Variants in ANXA4 observed in about 807,000 individuals in gnomAD.
ANXA4 encodes 35-beta calcimedin.
A neutral mutation model predicts 49.8 loss-of-function variants in ANXA4; 39 were observed. The observed-to-expected ratio is 0.78, with a 90% CI of 0.61 to 1.02. ANXA4 has a LOEUF of 1.02. Among genes scored for constraint, ANXA4 ranks in the 50% least tolerant of loss-of-function variants. ANXA4 has a pLI of 0.00. For synonymous variants in ANXA4, 134 were observed against 152.5 expected, an observed-to-expected ratio of 0.88 and a Z score of 0.89; for missense variants, 360 against 410.1, an observed-to-expected ratio of 0.88 and a Z score of 1.05.
intron 11 of ANXA4, among the ~76,000 whole-genome samples, chr2:69,819,729 C>T (rs10166636): frequency 4.0e-5 from 6 of 151,854 alleles, no homozygotes; most frequent in Admixed American, 2.6e-4. Flanking sequence ...AACCCTCCAT[C>T]GTACTCTGCA....
chr2:69,740,659 C>A (rs1201873041), upstream of ANXA4, among the ~76,000 whole-genome samples: 2 of 105,008 alleles, frequency 1.9e-5, 1 homozygote, highest in Middle Eastern at 0.011. Context: ...TTTTTTCTTT[C>A]TTTTTCTTTT....
chr2:69,720,571 A>G (rs2105426408), intron 2 of ANXA4, among the ~76,000 whole-genome samples: 1 of 152,308 alleles, frequency 6.6e-6, no homozygotes, highest in East Asian at 1.9e-4. Context: ...CAGCCATGGA[A>G]GATTTTGAGT....
chr2:69,747,500 C>T (rs754422393), intron 1 of ANXA4, among the ~76,000 whole-genome samples: 7 of 152,120 alleles, frequency 4.6e-5, no homozygotes, highest in Non-Finnish European at 1.0e-4. Flanking sequence ...TGGTTCTCAC[C>T]CTTCTTGGAG....
Position 69,792,735 on chromosome 2 carries a change from T to C in ANXA4, c.97+4594T>C, listed in dbSNP as rs181250213. Among the ~76,000 whole-genome samples the C allele has an allele frequency of 7.4e-3, 1,126 of 152,332 alleles. 18 individuals are homozygous for C. The highest frequency in any genetic ancestry group is 0.026 in the African/African-American group (1,067 of 41,568). ...CATCTTTTACTGTTTTTACACACTT[T>C]CCATGTAATTCCATGTTCAGTAGTT... On this transcript the variant is annotated intron_variant, in intron 3 of 12. Transcript: ENST00000394295.
At chr2:69,765,606 A>G (rs1009511841) in intron 1 of ANXA4, among the ~76,000 whole-genome samples, 1 of 152,114 alleles carries the variant, frequency 6.6e-6, no homozygotes, top group African/African-American at 2.4e-5. Flanking sequence ...CCACTTTTGC[A>G]CTTTCTAGCA....
At chr2:69,775,600 C>T (rs1392928194) in intron 1 of ANXA4, among the ~76,000 whole-genome samples, 1 of 152,144 alleles carries the variant, frequency 6.6e-6, no homozygotes, top group African/African-American at 2.4e-5. Context: ...AGACTGCTAT[C>T]GGAGGATAGT....
intron 1 of ANXA4, among the ~76,000 whole-genome samples, chr2:69,761,931 A>C (rs985627251): frequency 6.6e-6 from 1 of 152,302 alleles, no homozygotes; most frequent in East Asian, 1.9e-4. Context: ...AAAAATATCA[A>C]AGTGAATAAA....
At chr2:69,765,485 C>A (rs1046306745) in intron 1 of ANXA4, among the ~76,000 whole-genome samples, 4 of 152,060 alleles carry the variant, frequency 2.6e-5, no homozygotes, top group African/African-American at 9.7e-5. Flanking sequence ...GGGTACACTA[C>A]CCCAATCAAG....
In ANXA4 at chr2:69,663,714, G is replaced by A. The variant is rs1200344633; in HGVS notation, n.766+10432G>A. On this transcript the variant is annotated intron_variant and non_coding_transcript_variant, in intron 2 of 3. Coordinates refer to the ANXA4 transcript ENST00000418066. ...AAAATGAACACTCAGAGAACCAAAT[G>A]GAGTTCTTTTAAATTAAAAATCTGA... is the stretch of plus-strand genomic sequence containing the variant. Among the ~76,000 whole-genome samples, 8 of 152,060 alleles carry A rather than the reference G, an allele frequency of 5.3e-5. No homozygotes were observed. The East Asian group carries it at 1.5e-3, about 29-fold the overall frequency.
At chr2:69,770,196 C>T (rs1440465578) in intron 1 of ANXA4, among the ~76,000 whole-genome samples, 2 of 152,134 alleles carry the variant, frequency 1.3e-5, no homozygotes, top group African/African-American at 4.8e-5. Context: ...TGTTATTTCT[C>T]CCAACTCAAA....
chr2:69,694,144 G>A (rs140371786), intron 2 of ANXA4, among the ~76,000 whole-genome samples: 1 of 152,276 alleles, frequency 6.6e-6, no homozygotes, highest in Non-Finnish European at 1.5e-5. Flanking sequence ...CCCCAATGCA[G>A]TAGTATTAAG....
chr2:69,779,949 C>T (rs1672127539), intron 1 of ANXA4, among the ~76,000 whole-genome samples: 1 of 151,994 alleles, frequency 6.6e-6, no homozygotes, highest in Admixed American at 6.6e-5. Flanking sequence ...GGGGGTAAGT[C>T]GGCAATGAAT....
chr2:69,707,203 A>G (rs1678525517), intron 2 of ANXA4, among the ~76,000 whole-genome samples: 2 of 152,208 alleles, frequency 1.3e-5, no homozygotes, highest in South Asian at 4.1e-4. Flanking sequence ...TAAATGTCTG[A>G]TAGACCCTAG....
intron 1 of ANXA4, among the ~76,000 whole-genome samples, chr2:69,645,453 A>G (rs895214096): frequency 6.6e-6 from 1 of 152,216 alleles, no homozygotes; most frequent in Non-Finnish European, 1.5e-5. Context: ...TAGATGAGAA[A>G]GCTCATTTGG....
At chr2:69,693,619 T>A (rs902775673) in intron 2 of ANXA4, among the ~76,000 whole-genome samples, 6 of 152,116 alleles carry the variant, frequency 3.9e-5, no homozygotes, top group African/African-American at 1.4e-4. Context: ...GACTGCCACA[T>A]GTCAGGGCCA....
chr2:69,718,139 A>G (rs139510316), intron 2 of ANXA4, among the ~76,000 whole-genome samples: 4 of 152,300 alleles, frequency 2.6e-5, no homozygotes, highest in Non-Finnish European at 5.9e-5. Context: ...GAACTCATCA[A>G]TCACATTCTC....
intron 2 of ANXA4, among the ~76,000 whole-genome samples, chr2:69,689,392 T>C (rs1677890753): frequency 6.6e-6 from 1 of 152,146 alleles, no homozygotes; most frequent in Admixed American, 6.6e-5. Flanking sequence ...CCAGCCCATA[T>C]GACATTTCAA....
chr2:69,814,084 A>C (rs1673842102), intron 8 of ANXA4, among the ~76,000 whole-genome samples: 1 of 152,078 alleles, frequency 6.6e-6, no homozygotes, highest in African/African-American at 2.4e-5. Flanking sequence ...TAACCAATAC[A>C]TAACCATAAT....
chr2:69,788,280 C>G, intron 3 of ANXA4, 139 bp downstream of exon 3: 1 of 729,500 alleles, frequency 1.4e-6, no homozygotes, highest in Non-Finnish European at 2.3e-6. Context: ...GGGCTCATGC[C>G]TGTCATCTCA....
Sources: allele counts gnomAD v4.1 joint callset (sites outside exome capture counted in the v4.1 genomes callset), GRCh38; gene constraint gnomAD v4.1.1; transcripts MANE v1.5; gene names NCBI Gene and HGNC (gene_info 2026-07-23, HGNC 2026-07-21).